OSBPL9: variants seen among roughly 807,000 people sequenced by gnomAD.
The protein encoded by OSBPL9 is oxysterol binding protein like 9.
Under a neutral mutation model 106.6 loss-of-function variants are expected in OSBPL9, and 40 were observed. The ratio of observed to expected loss-of-function variants is 0.38; its 90% CI spans 0.29 to 0.49. The LOEUF is 0.49. Among genes scored for constraint, OSBPL9 ranks in the 20% least tolerant of loss-of-function variants. The pLI is 0.97. For missense variants in OSBPL9, 609 were observed against 887.2 expected (o/e 0.69, Z 3.98); for synonymous variants, 269 against 295.4 (o/e 0.91, Z 0.92).
chr1:51,555,607 G>A, the OSBPL9 span, among the ~76,000 whole-genome samples: 13 of 151,784 alleles, frequency 8.6e-5, no homozygotes, highest in African/African-American at 1.2e-4. Context: ...TTGCTCTGTC[G>A]CCCAGGCTGG....
At chr1:51,657,569 A>G (rs1027220612) in intron 2 of OSBPL9, among the ~76,000 whole-genome samples, 1 of 152,214 alleles carries the variant, frequency 6.6e-6, no homozygotes, top group South Asian at 2.1e-4. Flanking sequence ...AGAAGAGTGA[A>G]TTCAGATACT....
chr1:51,529,978 T>C, the OSBPL9 span, among the ~76,000 whole-genome samples: 1 of 151,320 alleles, frequency 6.6e-6, no homozygotes, highest in Non-Finnish European at 1.5e-5. Flanking sequence ...GAGACCATCC[T>C]GGCTAACACG....
chr1:51,579,487 A>G (rs1240869502), intron 1 of OSBPL9, among the ~76,000 whole-genome samples: 1 of 152,172 alleles, frequency 6.6e-6, no homozygotes, highest in East Asian at 1.9e-4. Flanking sequence ...TTTATTCCAC[A>G]TAATCAGATT....
At chr1:51,550,702 C>T in the OSBPL9 span, among the ~76,000 whole-genome samples, 1 of 152,038 alleles carries the variant, frequency 6.6e-6, no homozygotes, top group Non-Finnish European at 1.5e-5. Flanking sequence ...TTAGTAGAGA[C>T]AGGGTTTCAC....
intron 1 of OSBPL9, among the ~76,000 whole-genome samples, chr1:51,645,738 C>G (rs1311683290): frequency 6.6e-6 from 1 of 152,052 alleles, no homozygotes; most frequent in Non-Finnish European, 1.5e-5. Flanking sequence ...TACGTTTTTA[C>G]CTAAGAACTT....
intron 4 of OSBPL9, among the ~76,000 whole-genome samples, chr1:51,740,396 A>T (rs992932500): frequency 4.6e-5 from 7 of 151,152 alleles, no homozygotes; most frequent in Non-Finnish European, 1.0e-4. Flanking sequence ...TTTACTAATT[A>T]AAAAAAAATG....
At chr1:51,760,915 G>T (rs1279640676) in intron 10 of OSBPL9, 135 bp downstream of exon 10, 9 of 913,560 alleles carry the variant, frequency 9.9e-6, no homozygotes, top group Non-Finnish European at 1.3e-5. Context: ...AAATAATACA[G>T]CCAAAAGTGA....
the OSBPL9 span, among the ~76,000 whole-genome samples, chr1:51,543,410 T>C: frequency 6.6e-6 from 1 of 152,200 alleles, no homozygotes; most frequent in Admixed American, 6.5e-5. Context: ...TTTTTGTTTT[T>C]TTTGAGACGG....
chr1:51,569,386 T>C, the OSBPL9 span, among the ~76,000 whole-genome samples: 36,186 of 152,064 alleles, frequency 0.24, 5,191 homozygotes, highest in Middle Eastern at 0.33. Context: ...AGGTTTAGAG[T>C]TGCTTTTTTC....
the OSBPL9 span, among the ~76,000 whole-genome samples, chr1:51,547,571 A>G: frequency 2.0e-5 from 3 of 152,142 alleles, no homozygotes; most frequent in Non-Finnish European, 1.5e-5. Context: ...TAGGTAGGGC[A>G]CGGTGGTTCA....
intron 3 of OSBPL9, among the ~76,000 whole-genome samples, chr1:51,673,892 T>TG (rs1431040725): frequency 2.6e-5 from 4 of 151,562 alleles, no homozygotes; most frequent in African/African-American, 9.7e-5. Flanking sequence ...AAAAAAGTTT[T>TG]TTTTTTTTTT....
chr1:51,768,434 G>A (rs949204547), intron 12 of OSBPL9, among the ~76,000 whole-genome samples: 2 of 148,510 alleles, frequency 1.3e-5, no homozygotes, highest in Non-Finnish European at 3.0e-5. Flanking sequence ...GGCTGGTGTC[G>A]AACTCCTGAC....
intron 1 of OSBPL9, among the ~76,000 whole-genome samples, chr1:51,595,484 G>C (rs923837930): frequency 1.3e-5 from 2 of 152,150 alleles, no homozygotes; most frequent in African/African-American, 4.8e-5. Context: ...AAGAGGCTTT[G>C]ATCCAGCATG....
chr1:51,635,656 C>A (rs944244899), intron 1 of OSBPL9, among the ~76,000 whole-genome samples: 2 of 152,058 alleles, frequency 1.3e-5, no homozygotes, highest in Non-Finnish European at 2.9e-5. Context: ...ATGCAAAAAC[C>A]CTAAGTCATC....
intron 3 of OSBPL9, among the ~76,000 whole-genome samples, chr1:51,681,247 T>C (rs548039280): frequency 6.6e-6 from 1 of 152,306 alleles, no homozygotes; most frequent in African/African-American, 2.4e-5. Flanking sequence ...AAAAAATGCA[T>C]GGAAGTAGGC....
intron 2 of OSBPL9, among the ~76,000 whole-genome samples, chr1:51,660,808 T>G (rs1051908015): frequency 6.6e-6 from 1 of 152,190 alleles, no homozygotes; most frequent in African/African-American, 2.4e-5. Context: ...GGCATAGACA[T>G]GTTTTGTATC....
In OSBPL9 at chr1:51,772,740, T is replaced by C; in HGVS notation, c.1170+17T>C. The C allele has an allele frequency of 6.4e-7, 1 of 1,551,348 alleles. No individual in the cohort carries two copies. Among genetic ancestry groups the C allele is most frequent in the Non-Finnish European group, 8.9e-7 (1 of 1,122,898 alleles). ...CTTACTAAGGTAAGACCAAATTTGC[T>C]GTAAGTCTGTGTGGGTATGTATGGA... On this transcript the variant is annotated intron_variant, in intron 14 of 23. Transcript: ENST00000428468.
intron 4 of OSBPL9, chr1:51,730,257 G>A: frequency 1.2e-6 from 1 of 854,280 alleles, no homozygotes; most frequent in Non-Finnish European, 1.6e-6. Context: ...ATGAGACTTT[G>A]GAGGAGGTCT....
intron 2 of OSBPL9, among the ~76,000 whole-genome samples, chr1:51,610,758 C>T (rs1008252564): frequency 2.0e-5 from 3 of 152,234 alleles, no homozygotes; most frequent in African/African-American, 4.8e-5. Context: ...CTAGCCTTCC[C>T]TGACCCTTTT....
Sources: gnomAD v4.1 joint callset for allele counts (sites outside exome capture counted in the v4.1 genomes callset) on GRCh38, gnomAD v4.1.1 for gene constraint, MANE v1.5 for transcripts, NCBI Gene and HGNC (gene_info 2026-07-23, HGNC 2026-07-21) for gene names.